Variants in BRF1 observed in about 807,000 individuals in gnomAD.
BRF1 encodes BRF1 general transcription factor IIIB subunit.
A neutral mutation model predicts 81.7 loss-of-function variants in BRF1; 59 were observed. That is an observed-to-expected ratio of 0.72 (90% CI 0.59 to 0.90). BRF1 has a LOEUF of 0.90. BRF1 is among the 40% of genes least tolerant of loss of function. The pLI is 0.00. For missense variants in BRF1, 1,050 were observed against 936.3 expected, an observed-to-expected ratio of 1.12 and a Z score of -1.58; for synonymous variants, 491 against 395.6, an observed-to-expected ratio of 1.24 and a Z score of -2.86.
At position 105,212,005 on chromosome 14, in the gene BRF1, C is replaced by T. The variant is rs906981656; in HGVS notation, c.1824+108G>A. On this transcript the variant is annotated intron_variant, in intron 16 of 17. Transcript: ENST00000547530. ...AAGTATGGGGCAGCAGGGGCAGGCG[C>T]CTCTGTCAGGCCTGCTCTCCCTGTG... 6.1e-6 allele frequency: 9 copies of T among 1,484,468 alleles called. No individual in the cohort carries two copies. In the East Asian group the frequency reaches 9.8e-5, roughly 16 times the overall value. 92.0% of individuals were successfully genotyped at this position (1,484,468 alleles called of 1,614,324 possible).
intron 10 of BRF1, among the ~76,000 whole-genome samples, chr14:105,223,399 C>T (rs1189936276): frequency 6.6e-6 from 1 of 152,182 alleles, no homozygotes; most frequent in Admixed American, 6.5e-5. Context: ...TACCGACTGC[C>T]ACACAATACA....
At chr14:105,280,121 A>G (rs1207430040) in intron 2 of BRF1, among the ~76,000 whole-genome samples, 1 of 152,230 alleles carries the variant, frequency 6.6e-6, no homozygotes, top group Non-Finnish European at 1.5e-5. Context: ...TTCACTCATA[A>G]TCGCCCAAGC....
intron 1 of BRF1, among the ~76,000 whole-genome samples, chr14:105,293,767 C>T (rs1182977060): frequency 6.6e-6 from 1 of 152,204 alleles, no homozygotes; most frequent in African/African-American, 2.4e-5. Flanking sequence ...AGTGTGGTTT[C>T]CCCCGTGGGG....
intron 4 of BRF1, among the ~76,000 whole-genome samples, chr14:105,253,469 T>A (rs959726415): frequency 1.3e-5 from 2 of 152,114 alleles, no homozygotes; most frequent in African/African-American, 2.4e-5. Context: ...AAGAATTCCC[T>A]CGCCTGACCA....
chr14:105,313,257 A>G (rs1485718182), intron 1 of BRF1, among the ~76,000 whole-genome samples: 1 of 152,182 alleles, frequency 6.6e-6, no homozygotes, highest in African/African-American at 2.4e-5. Context: ...TCTGGGGTCA[A>G]TGGGTGCCTG....
chr14:105,287,357 G>A (rs368214155), intron 1 of BRF1, among the ~76,000 whole-genome samples: 68 of 152,210 alleles, frequency 4.5e-4, no homozygotes, highest in Middle Eastern at 6.3e-3. Context: ...ATCTTCCAAC[G>A]AGAACAGTAA....
At chr14:105,221,505 TG>T in intron 11 of BRF1, 142 bp downstream of exon 11, 1 of 1,190,736 alleles carries the variant, frequency 8.4e-7, no homozygotes, top group Non-Finnish European at 1.1e-6. Flanking sequence ...GGGGGACTGG[TG>T]GTGCCACCAC....
At chr14:105,268,679 A>T (rs1302686127) in intron 3 of BRF1, among the ~76,000 whole-genome samples, 1 of 152,172 alleles carries the variant, frequency 6.6e-6, no homozygotes, top group East Asian at 1.9e-4. Flanking sequence ...GGGCTGGACG[A>T]TACGATAGGA....
intron 15 of BRF1, chr14:105,212,372 G>T (rs1358321385): frequency 1.5e-5 from 9 of 606,068 alleles, no homozygotes; most frequent in Non-Finnish European, 2.6e-5. Flanking sequence ...ATTCTCAACA[G>T]CGAGCAGCAC....
intron 7 of BRF1, 86 bp downstream of exon 7, chr14:105,228,734 A>G: frequency 1.4e-6 from 2 of 1,457,128 alleles, no homozygotes; most frequent in Admixed American, 1.7e-5. Context: ...GGGTCCCGGG[A>G]GGTGGCGCCT....
rs1430424462 is a variant in BRF1, at chr14:105,226,086, G to A, written c.1031C>T (p.Ala344Val). 5.6e-6 allele frequency: 9 copies of A among 1,613,756 alleles called. No individual in the cohort carries two copies. Among genetic ancestry groups the A allele is most frequent in the African/African-American group, 1.3e-5 (1 of 74,942 alleles). The change falls in exon 10 of 18, where the codon GCC becomes GTC. Residue 344 changes from alanine to valine, a missense_variant. By Grantham distance (64) the Ala-to-Val change is moderately conservative. Transcript: ENST00000547530. ...GGACTCACCATCTTTTGCCAGGCTG[G>A]CCAGGCCCCCCTTGGCCTTTGGCCG... ...NSRPKAKGGLASLAKDGSTED... is the reference protein window; with the variant it reads ...NSRPKAKGGLVSLAKDGSTED...
chr14:105,261,429 A>C lies in BRF1; in HGVS notation c.440-4880T>G, dbSNP rs190673024. ...GGAACCAACCAGGCTTCCCCACCAC[A>C]GCTGTGGACAACACAGCGAGGGGCC... On this transcript the variant is annotated intron_variant, in intron 3 of 17. Coordinates refer to ENST00000547530, the MANE Select transcript of BRF1 (RefSeq NM_001519.4). Among the ~76,000 whole-genome samples the C allele has an allele frequency of 3.0e-3, 464 of 152,240 alleles. 1 individual carries two copies. The highest frequency in any genetic ancestry group is 4.9e-3 in the Non-Finnish European group (334 of 68,004).
chr14:105,241,122 A>T (rs1566822521), intron 6 of BRF1, 143 bp downstream of exon 6: 2 of 1,349,080 alleles, frequency 1.5e-6, no homozygotes, highest in African/African-American at 2.9e-5. Flanking sequence ...CCGGTGGGCC[A>T]GGCCAGAGTC....
intron 10 of BRF1, among the ~76,000 whole-genome samples, chr14:105,223,722 C>T (rs1892660540): frequency 6.6e-6 from 1 of 152,176 alleles, no homozygotes; most frequent in Non-Finnish European, 1.5e-5. Context: ...ACTATGGCTT[C>T]ACAGGTGTGT....
intron 6 of BRF1, 120 bp downstream of exon 6, chr14:105,241,145 C>T (rs1363505491): frequency 5.4e-6 from 8 of 1,481,650 alleles, no homozygotes; most frequent in Non-Finnish European, 7.2e-6. Context: ...CCCCGGGAGG[C>T]TGGAGGCAGC....
At chr14:105,215,184 C>A (rs920550340) in intron 15 of BRF1, among the ~76,000 whole-genome samples, 4 of 152,190 alleles carry the variant, frequency 2.6e-5, no homozygotes, top group African/African-American at 9.7e-5. Flanking sequence ...CAGATGCACA[C>A]ACACTGCACA....
chr14:105,252,457 G>T (rs998034734), intron 5 of BRF1, 50 bp downstream of exon 5: 2 of 1,594,548 alleles, frequency 1.3e-6, no homozygotes, highest in South Asian at 1.1e-5. Context: ...TGGCACGCTG[G>T]TCCCTACAGC....
At chr14:105,272,974 T>C (rs2056723964) in intron 2 of BRF1, 80 bp from the exon 3 acceptor site, 1 of 1,429,104 alleles carries the variant, frequency 7.0e-7, no homozygotes, top group Non-Finnish European at 9.3e-7. Flanking sequence ...AGCAGCAACT[T>C]TAAGAATATA....
At chr14:105,273,347 A>G (rs2056741851) in intron 2 of BRF1, among the ~76,000 whole-genome samples, 1 of 152,172 alleles carries the variant, frequency 6.6e-6, no homozygotes, top group Non-Finnish European at 1.5e-5. Flanking sequence ...GTCCCTTCTC[A>G]GCAGGGCCCA....
Sources: allele counts gnomAD v4.1 joint callset (sites outside exome capture counted in the v4.1 genomes callset), GRCh38; gene constraint gnomAD v4.1.1; transcripts MANE v1.5; gene names NCBI Gene and HGNC (gene_info 2026-07-23, HGNC 2026-07-21).